ENDOU: variants seen among roughly 807,000 people sequenced by gnomAD.
The protein encoded by ENDOU is uridylate-specific endoribonuclease.
Under a neutral mutation model 54.2 loss-of-function variants are expected in ENDOU, and 49 were observed. The observed-to-expected ratio is 0.90, with a 90% CI of 0.72 to 1.15. ENDOU has a LOEUF of 1.15. Among genes scored for constraint, ENDOU ranks in the 50% most tolerant of loss-of-function variants. ENDOU has a pLI of 0.00. For synonymous variants in ENDOU, 172 were observed against 190.5 expected (o/e 0.90, Z 0.80); for missense variants, 458 against 511.4 (o/e 0.90, Z 1.01).
At position 47,716,444 on chromosome 12, in the gene ENDOU, T is replaced by C; in HGVS notation, c.607A>G (p.Ile203Val). 6.2e-7 allele frequency: 1 copy of C among 1,614,110 alleles called. No individual in the cohort carries two copies. Among genetic ancestry groups the C allele is most frequent in the Non-Finnish European group, 8.5e-7 (1 of 1,180,030 alleles). Reference sequence around the variant, plus strand: ...CGCTGGTAGTTGTTGAGGAGGTTGATGAAGGCTGCATAGGTGGGCTTGGAG... The same window carrying C: ...CGCTGGTAGTTGTTGAGGAGGTTGACGAAGGCTGCATAGGTGGGCTTGGAG... The part of the protein sequence containing the change: ...LFSKPTYAAF[I>V]NLLNNYQRAT... The change falls in exon 6 of 10, where the codon ATC becomes GTC. Residue 203 changes from isoleucine to valine, a missense_variant. Ile to Val is a conservative substitution (Grantham distance 29). Transcript: ENST00000422538.
chr12:47,714,555 T>C (rs1437188512), intron 6 of ENDOU, among the ~76,000 whole-genome samples: 1 of 152,192 alleles, frequency 6.6e-6, no homozygotes, highest in Admixed American at 6.5e-5. Context: ...GTGATGGACA[T>C]TACATTACTG....
rs58348653 is a variant in ENDOU, at chr12:47,717,981, C to G, written c.244+148G>C. 9.4e-3 allele frequency: 7,044 copies of G among 752,758 alleles called. 351 individuals are homozygous for G. In the African/African-American group the frequency reaches 0.11, roughly 12 times the overall value. The allele number at this position is 752,758 out of a possible 1,614,324, so 46.6% of individuals were successfully genotyped here. On this transcript the variant is annotated intron_variant, in intron 3 of 9. Coordinates refer to ENST00000422538, the MANE Select transcript of ENDOU (RefSeq NM_001172439.2). The stretch of plus-strand genomic sequence containing the variant: ...AGGCTGGCTGAGCCCCCCCAGGCTT[C>G]TTCCTGCCCAGGTTCCCAGAATCCA...
intron 1 of ENDOU, among the ~76,000 whole-genome samples, chr12:47,721,827 G>A (rs1940443944): frequency 6.6e-6 from 1 of 152,176 alleles, no homozygotes; most frequent in Non-Finnish European, 1.5e-5. Context: ...GGTTCCTGAG[G>A]TTTGGATTTC....
chr12:47,717,945 C>A, intron 3 of ENDOU, 184 bp downstream of exon 3: 1 of 632,364 alleles, frequency 1.6e-6, no homozygotes, highest in South Asian at 2.0e-5. Context: ...ACCCTCCTCC[C>A]ATGGCCCCCC....
intron 2 of ENDOU, 151 bp downstream of exon 2, chr12:47,720,602 A>C: frequency 1.3e-6 from 1 of 743,198 alleles, no homozygotes. Flanking sequence ...AGTGGTGGCC[A>C]AATTCCTGAC....
chr12:47,713,895 A>C (rs1940133891), intron 6 of ENDOU, among the ~76,000 whole-genome samples: 2 of 152,232 alleles, frequency 1.3e-5, no homozygotes, highest in African/African-American at 4.8e-5. Context: ...GGCTCCAGGC[A>C]GACTTGAGTT....
chr12:47,715,802 G>A (rs1056809593), intron 6 of ENDOU, among the ~76,000 whole-genome samples: 5 of 152,184 alleles, frequency 3.3e-5, no homozygotes, highest in African/African-American at 7.2e-5. Flanking sequence ...AGGACTTCCC[G>A]CTCTGAACCT....
Position 47,716,504 on chromosome 12 carries a change from G to A in ENDOU, c.552-5C>T, listed in dbSNP as rs201137384. On this transcript the variant is annotated splice_region_variant and splice_polypyrimidine_tract_variant and intron_variant, in intron 5 of 9. Coordinates refer to ENST00000422538, the MANE Select transcript of ENDOU (RefSeq NM_001172439.2). ...TCATTGACATAAGTGAAGAGTCTGG[G>A]GGAGGCAGAGGGGAGCCCCACTGAG... The A allele has an allele frequency of 7.4e-6, 12 of 1,612,834 alleles. No homozygotes were observed. The East Asian group carries it at 2.0e-4, about 27-fold the overall frequency.
chr12:47,716,316 G>T lies in ENDOU; in HGVS notation c.735C>A (p.Ser245Arg), dbSNP rs1285330635. The T allele has an allele frequency of 6.2e-7, 1 of 1,614,096 alleles. No homozygotes were observed. The highest frequency in any genetic ancestry group is 8.5e-7 in the Non-Finnish European group (1 of 1,180,010). ...CTCACTCACTCTGGTGATGGAGGAA[G>T]CTGTAGAGCTCCTTCATGACTGCTG... is the stretch of plus-strand genomic sequence containing the variant. ...MKTAVMKELY[S>R]FLHHQNRYGS... Residue 245 changes from serine (S) to arginine (R), a missense_variant, in exon 6 of 10, where the codon AGC (serine) becomes AGA (arginine). Coordinates refer to ENST00000422538, the MANE Select transcript of ENDOU (RefSeq NM_001172439.2).
rs748333185 is a variant in ENDOU, at chr12:47,717,662, A to G, written c.245-7T>C. The G allele has an allele frequency of 3.7e-6, 6 of 1,613,680 alleles. No individual in the cohort carries two copies. In the Admixed American group the frequency reaches 5.0e-5, roughly 13 times the overall value. Reference sequence around the variant, plus strand: ...GTGGGTGCCGAGTACAAGTCTGAGAAGAGAGGGGTGGTGTGTCCCGGGCTG... The same window carrying G: ...GTGGGTGCCGAGTACAAGTCTGAGAGGAGAGGGGTGGTGTGTCCCGGGCTG... On this transcript the variant is annotated splice_region_variant and splice_polypyrimidine_tract_variant and intron_variant, in intron 3 of 9. Transcript: ENST00000422538.
intron 7 of ENDOU, among the ~76,000 whole-genome samples, chr12:47,712,892 G>C (rs1476494512): frequency 6.6e-6 from 1 of 152,140 alleles, no homozygotes; most frequent in South Asian, 2.1e-4. Context: ...AGCCAGGCTT[G>C]GTGGGAGTTT....
At chr12:47,716,531 G>T in intron 5 of ENDOU, 32 bp from the exon 6 acceptor site, 2 of 1,605,040 alleles carry the variant, frequency 1.2e-6, no homozygotes, top group East Asian at 2.2e-5. Context: ...CCCACTGAGA[G>T]CCCCAAACAC....
intron 6 of ENDOU, among the ~76,000 whole-genome samples, chr12:47,714,053 A>G (rs1940139803): frequency 6.6e-6 from 1 of 152,240 alleles, no homozygotes; most frequent in Admixed American, 6.5e-5. Flanking sequence ...AAAACAAAAA[A>G]TGTTTTAGAT....
chr12:47,717,112 G>A (rs1345350536), intron 4 of ENDOU, 54 bp from the exon 5 acceptor site: 6 of 1,544,434 alleles, frequency 3.9e-6, no homozygotes, highest in Non-Finnish European at 5.4e-6. Context: ...AGGGGGGCGG[G>A]CAGGAAATTA....
intron 5 of ENDOU, 40 bp from the exon 6 acceptor site, chr12:47,716,539 C>T (rs762331782): frequency 6.3e-7 from 1 of 1,594,514 alleles, no homozygotes; most frequent in Non-Finnish European, 8.6e-7. Context: ...GAGCCCCAAA[C>T]ACAGGGCAGC....
At chr12:47,724,872 C>T (rs1940537098) in intron 1 of ENDOU, among the ~76,000 whole-genome samples, 1 of 152,150 alleles carries the variant, frequency 6.6e-6, no homozygotes, top group African/African-American at 2.4e-5. Flanking sequence ...GGTCAAAGGT[C>T]CTTTCAGTTT....
rs1259786389 is a variant in ENDOU at position 47,717,665 on chromosome 12, GA to G, written c.245-11del. The G allele has an allele frequency of 2.5e-6, 4 of 1,613,618 alleles. No individual in the cohort carries two copies. The Admixed American group carries it at 5.0e-5, about 20-fold the overall frequency. On this transcript the variant is annotated splice_polypyrimidine_tract_variant and intron_variant, in intron 3 of 9. Transcript: ENST00000422538. ...GGTGCCGAGTACAAGTCTGAGAAGA[GA>G]GGGGTGGTGTGTCCCGGGCTGACCT...
chr12:47,718,192 C>A lies in ENDOU; in HGVS notation c.181G>T (p.Asp61Tyr), dbSNP rs1233409650. ...CEDYEHLCTE[D>Y]HKESEPLPQL... is the part of the protein sequence containing the mutation. ...GGCAATGGCTCTGACTCTTTGTGGTCCTCTGCAGGTAGATAGAAAAATAAA... is the reference window on the plus strand; with the variant it reads ...GGCAATGGCTCTGACTCTTTGTGGTACTCTGCAGGTAGATAGAAAAATAAA... Residue 61 changes from aspartate (D) to tyrosine (Y), a missense_variant and splice_region_variant, in exon 3 of 10, where the codon GAC becomes TAC. Asp to Tyr is a radical substitution (Grantham distance 160). Coordinates refer to ENST00000422538, the MANE Select transcript of ENDOU (RefSeq NM_001172439.2). 15 of 1,578,348 alleles carry A rather than the reference C, an allele frequency of 9.5e-6. No homozygotes were observed. Among genetic ancestry groups the A allele is most frequent in the Non-Finnish European group, 1.3e-5 (15 of 1,160,100 alleles).
intron 7 of ENDOU, 72 bp downstream of exon 7, chr12:47,713,203 C>G: frequency 9.5e-7 from 1 of 1,050,964 alleles, no homozygotes; most frequent in Non-Finnish European, 1.5e-6. Flanking sequence ...ACACCCAGGG[C>G]TGCCCTGCTC....
Sources: gnomAD v4.1 joint callset for allele counts (sites outside exome capture counted in the v4.1 genomes callset) on GRCh38, gnomAD v4.1.1 for gene constraint, MANE v1.5 for transcripts, NCBI Gene and HGNC (gene_info 2026-07-23, HGNC 2026-07-21) for gene names.